The following WIPF1 variants were observed in gnomAD, a reference collection of about 807,000 sequenced individuals.
WIPF1 encodes WAS/WASL-interacting protein family member 1.
In WIPF1, 13 loss-of-function variants were observed where a neutral mutation model predicts 35.4. The observed-to-expected ratio is 0.37, with a 90% CI of 0.24 to 0.58. WIPF1 has a LOEUF of 0.58. Ranked by LOEUF, WIPF1 falls within the 20% of genes least tolerant of loss-of-function variation. The pLI is 0.74. For missense variants in WIPF1, 591 were observed against 667.0 expected, an observed-to-expected ratio of 0.89 and a Z score of 1.25; for synonymous variants, 267 against 266.3, an observed-to-expected ratio of 1.00 and a Z score of -0.02.
intron 1 of WIPF1, among the ~76,000 whole-genome samples, chr2:174,606,549 A>T (rs914277179): frequency 1.3e-5 from 2 of 152,208 alleles, no homozygotes; most frequent in African/African-American, 4.8e-5. Context: ...TGCTGGCAGG[A>T]TGCCTGAATG....
At chr2:174,584,644 GCT>G (rs1685343872) in intron 2 of WIPF1, among the ~76,000 whole-genome samples, 1 of 152,142 alleles carries the variant, frequency 6.6e-6, no homozygotes, top group Non-Finnish European at 1.5e-5. Context: ...GGGCACAGTG[GCT>G]CACGCCTGTA....
chr2:174,569,517 A>G (rs868387212), intron 5 of WIPF1, among the ~76,000 whole-genome samples: 4 of 151,840 alleles, frequency 2.6e-5, no homozygotes, highest in Non-Finnish European at 5.9e-5. Flanking sequence ...ACTTCATCTC[A>G]TTTTCTTTTT....
At chr2:174,653,075 T>C (rs1016263093) in intron 1 of WIPF1, among the ~76,000 whole-genome samples, 1 of 152,210 alleles carries the variant, frequency 6.6e-6, no homozygotes, top group Non-Finnish European at 1.5e-5. Context: ...TCAGTAGTCC[T>C]TTGGGGTGGG....
chr2:174,677,994 C>T (rs562924223), intron 1 of WIPF1, among the ~76,000 whole-genome samples: 2 of 152,114 alleles, frequency 1.3e-5, no homozygotes, highest in East Asian at 1.9e-4. Flanking sequence ...TCAGGTTCCA[C>T]ATAAATAAAC....
chr2:174,658,079 A>G (rs1207962495), intron 1 of WIPF1, among the ~76,000 whole-genome samples: 1 of 152,136 alleles, frequency 6.6e-6, no homozygotes, highest in African/African-American at 2.4e-5. Context: ...CTGTGGAGTA[A>G]CTTCTGGTGG....
intron 1 of WIPF1, among the ~76,000 whole-genome samples, chr2:174,639,767 A>C (rs1276770259): frequency 6.6e-6 from 1 of 152,098 alleles, no homozygotes; most frequent in Non-Finnish European, 1.5e-5. Flanking sequence ...TTGAGGTCTT[A>C]TTTTTAAATT....
intron 1 of WIPF1, among the ~76,000 whole-genome samples, chr2:174,592,273 G>T (rs1313243972): frequency 6.6e-6 from 1 of 152,162 alleles, no homozygotes; most frequent in African/African-American, 2.4e-5. Flanking sequence ...TCCTCCAAAG[G>T]CCGGTCTCTA....
chr2:174,652,205 C>T (rs923271711), intron 1 of WIPF1, among the ~76,000 whole-genome samples: 3 of 152,172 alleles, frequency 2.0e-5, no homozygotes, highest in African/African-American at 7.2e-5. Context: ...GGGGAAGGAC[C>T]ACAGGCCCAC....
Position 174,607,364 on chromosome 2 carries a change from C to T in WIPF1, c.-38-21753G>A, listed in dbSNP as rs186192512. 3.2e-4 allele frequency among the ~76,000 whole-genome samples: 49 copies of T among 152,214 alleles called. 1 individual carries two copies. In the East Asian group the frequency reaches 8.7e-3, roughly 27 times the overall value. On this transcript the variant is annotated intron_variant, in intron 1 of 8. Transcript: ENST00000272746. ...GTTGCAGTGAGCCGAGATCGCACCACTGCACTCCAACCTGGGCAACAGAGC... is the reference window on the plus strand; with the variant it reads ...GTTGCAGTGAGCCGAGATCGCACCATTGCACTCCAACCTGGGCAACAGAGC...
At chr2:174,666,603 G>C (rs553145167) in intron 1 of WIPF1, among the ~76,000 whole-genome samples, 1 of 152,360 alleles carries the variant, frequency 6.6e-6, no homozygotes, top group South Asian at 2.1e-4. Flanking sequence ...AGCCCATTCT[G>C]CACCCAGCTC....
rs576362603 is a variant in WIPF1 at position 174,560,345 on chromosome 2, A to C, written c.*2202T>G. 2.6e-4 allele frequency: 39 copies of C among 152,740 alleles called. No individual in the cohort carries two copies. The highest frequency in any genetic ancestry group is 9.1e-4 in the African/African-American group (38 of 41,574). The allele number at this position is 152,740 out of a possible 1,614,324, so 9.5% of individuals were successfully genotyped here. On this transcript the variant is annotated 3_prime_UTR_variant, in exon 8 of 8. Coordinates refer to ENST00000679041, the MANE Select transcript of WIPF1 (RefSeq NM_001375834.1). Reference sequence around the variant, plus strand: ...TTCAGATTTAGAACGGTACCTGCCAAGTTCAGATATGCAAAGGAATTGTCC... The same window carrying C: ...TTCAGATTTAGAACGGTACCTGCCACGTTCAGATATGCAAAGGAATTGTCC...
At chr2:174,673,333 G>A (rs1453916507) in intron 1 of WIPF1, 2 of 152,222 alleles carry the variant, frequency 1.3e-5, no homozygotes, top group African/African-American at 2.4e-5. Flanking sequence ...CCCATATGGG[G>A]ACTCAGGGTC....
chr2:174,681,475 C>T (rs1385446621), intron 1 of WIPF1, among the ~76,000 whole-genome samples: 1 of 152,220 alleles, frequency 6.6e-6, no homozygotes, highest in Non-Finnish European at 1.5e-5. Context: ...TGAAGTAGAA[C>T]ATTTCTTGGA....
Position 174,579,074 on chromosome 2 carries a change from A to G in WIPF1, c.181+2236T>C, listed in dbSNP as rs538566095. Among the ~76,000 whole-genome samples, 4 of 152,228 alleles carry G rather than the reference A, an allele frequency of 2.6e-5. No homozygotes were observed. In the South Asian group the frequency reaches 8.3e-4, roughly 32 times the overall value. ...CGCTTGTTGCCCAGGCTGGAGTACA[A>G]TGGCACGATCTTGGCTCACTGCAAC... On this transcript the variant is annotated intron_variant, in intron 3 of 7. Transcript: ENST00000679041.
chr2:174,626,076 A>T (rs1686823963), intron 1 of WIPF1: 1 of 152,218 alleles, frequency 6.6e-6, no homozygotes, highest in South Asian at 2.1e-4. Context: ...TAAACATAAA[A>T]ATTATAACCG....
At chr2:174,647,161 C>T (rs1472205956) in intron 1 of WIPF1, among the ~76,000 whole-genome samples, 3 of 151,844 alleles carry the variant, frequency 2.0e-5, no homozygotes, top group Admixed American at 6.6e-5. Flanking sequence ...TGCTTTAAAC[C>T]AGGAGTTCAA....
At position 174,680,799 on chromosome 2, in the gene WIPF1, T is replaced by C. The variant is rs138244495; in HGVS notation, c.-39+1975A>G. ...GCTTTCGTGTCTTGGTGCTACACAC[T>C]GCATGGTATCTGGATGGCCCCTGTA... On this transcript the variant is annotated intron_variant, in intron 1 of 8. Transcript: ENST00000272746. Among the ~76,000 whole-genome samples, 742 of 152,298 alleles carry C rather than the reference T, an allele frequency of 4.9e-3. 4 individuals carry two copies. Among genetic ancestry groups the C allele is most frequent in the Middle Eastern group, 0.017 (5 of 294 alleles).
intron 1 of WIPF1, among the ~76,000 whole-genome samples, chr2:174,595,290 C>CAAAAAAAAAAAAAAAAAAAAAAAAAAAAA (rs377491345): frequency 2.2e-5 from 1 of 45,290 alleles, no homozygotes; most frequent in African/African-American, 8.1e-5. Context: ...AACCCTGTCT[C>CAAAAAAAAAAAAAAAAAAAAAAAAAAAAA]AAAAAAAAAA....
intron 4 of WIPF1, among the ~76,000 whole-genome samples, chr2:174,574,343 AG>A (rs1041938756): frequency 7.9e-5 from 12 of 152,256 alleles, no homozygotes; most frequent in African/African-American, 2.9e-4. Flanking sequence ...CTGGCAAGAT[AG>A]AACCTCTCAT....
Sources: gnomAD v4.1 joint callset for allele counts (sites outside exome capture counted in the v4.1 genomes callset) on GRCh38, gnomAD v4.1.1 for gene constraint, MANE v1.5 for transcripts, NCBI Gene and HGNC (gene_info 2026-07-23, HGNC 2026-07-21) for gene names.